The following THADA variants were observed in gnomAD, a reference collection of about 807,000 sequenced individuals.
The protein encoded by THADA is tRNA (32-2'-O)-methyltransferase regulator THADA.
A neutral mutation model predicts 219.8 loss-of-function variants in THADA; 213 were observed. The ratio of observed to expected loss-of-function variants is 0.97; its 90% CI spans 0.87 to 1.09. The LOEUF (loss-of-function observed/expected upper bound fraction) is 1.09. Among genes scored for constraint, THADA ranks in the 50% least tolerant of loss-of-function variants. The probability of loss-of-function intolerance (pLI) is 0.00; values close to 1 mark genes in which losing one functional copy is unlikely to be tolerated. For missense variants in THADA, 2,956 were observed against 2,311.3 expected (o/e 1.28, Z -5.72); for synonymous variants, 1,018 against 828.9 (o/e 1.23, Z -3.92).
chr2:43,530,075 T>C (rs1693670282), intron 21 of THADA, among the ~76,000 whole-genome samples: 2 of 152,060 alleles, frequency 1.3e-5, no homozygotes, highest in Admixed American at 6.6e-5. Context: ...AAAGATATAA[T>C]AAGTGATACA....
At position 43,556,327 on chromosome 2, in the gene THADA, G is replaced by A. The variant is rs1035894583; in HGVS notation, c.2674+18C>T. On this transcript the variant is annotated intron_variant, in intron 17 of 37. Coordinates refer to ENST00000405975, the MANE Select transcript of THADA (RefSeq NM_022065.5). ...GACTAAGCTATTCGTTTTGATAAGA[G>A]CAAACATCAATACAAACCCATTAAT... The A allele has an allele frequency of 1.6e-5, 26 of 1,612,184 alleles. No homozygotes were observed. The highest frequency in any genetic ancestry group is 3.5e-4 in the Middle Eastern group (2 of 5,708).
At chr2:43,443,772 T>A (rs527473546) in intron 26 of THADA, among the ~76,000 whole-genome samples, 2 of 152,312 alleles carry the variant, frequency 1.3e-5, no homozygotes, top group South Asian at 4.1e-4. Context: ...GGTGAGTTAT[T>A]CCCTCTCCCA....
intron 22 of THADA, among the ~76,000 whole-genome samples, chr2:43,514,064 A>G (rs1442160500): frequency 1.3e-5 from 2 of 150,702 alleles, no homozygotes. Context: ...TGTCCCTTAA[A>G]AAAAAAAAAA....
intron 26 of THADA, 70 bp from the exon 27 acceptor site, chr2:43,430,372 A>T (rs966347291): frequency 9.7e-5 from 78 of 808,216 alleles, no homozygotes; most frequent in Admixed American, 3.3e-4. Context: ...CCTTTTTTTT[A>T]AAAAAAGGAA....
intron 36 of THADA, among the ~76,000 whole-genome samples, chr2:43,234,211 T>G (rs1033853060): frequency 2.0e-5 from 3 of 152,230 alleles, no homozygotes; most frequent in Non-Finnish European, 4.4e-5. Flanking sequence ...AGTTTCATGG[T>G]GCATGCAAAG....
intron 28 of THADA, among the ~76,000 whole-genome samples, chr2:43,411,952 G>A (rs1304210807): frequency 6.6e-6 from 1 of 152,278 alleles, no homozygotes; most frequent in East Asian, 1.9e-4. Flanking sequence ...AAACATGTCA[G>A]TAAAGAATAC....
chr2:43,441,982 T>TA (rs1680896673), intron 26 of THADA, among the ~76,000 whole-genome samples: 1 of 152,210 alleles, frequency 6.6e-6, no homozygotes, highest in South Asian at 2.1e-4. Context: ...TCTTGGAGCT[T>TA]AAAACCTGGT....
At chr2:43,530,465 G>A (rs1025530355) in intron 21 of THADA, among the ~76,000 whole-genome samples, 5 of 152,048 alleles carry the variant, frequency 3.3e-5, no homozygotes, top group East Asian at 1.9e-4. Context: ...ACAAAATAAG[G>A]ACTAGAAGAA....
At chr2:43,268,399 C>T (rs1011848279) in intron 36 of THADA, among the ~76,000 whole-genome samples, 1 of 152,172 alleles carries the variant, frequency 6.6e-6, no homozygotes, top group African/African-American at 2.4e-5. Context: ...ACACCCTGCC[C>T]CACGTGTGCA....
chr2:43,518,542 G>C (rs923724733), intron 22 of THADA, among the ~76,000 whole-genome samples: 1 of 152,128 alleles, frequency 6.6e-6, no homozygotes, highest in African/African-American at 2.4e-5. Context: ...ACAAAACCAA[G>C]TACAGGGTTC....
chr2:43,344,070 A>C, intron 30 of THADA, 52 bp downstream of exon 30: 2 of 1,326,050 alleles, frequency 1.5e-6, no homozygotes, highest in Non-Finnish European at 2.1e-6. Context: ...GCAATTCTCA[A>C]ATGTATTCCT....
chr2:43,544,487 T>C (rs1695755162), intron 20 of THADA, among the ~76,000 whole-genome samples: 1 of 152,218 alleles, frequency 6.6e-6, no homozygotes, highest in African/African-American at 2.4e-5. Flanking sequence ...TTTCATGATA[T>C]TGATTCTTCC....
At chr2:43,284,005 C>G (rs1673682967) in intron 35 of THADA, among the ~76,000 whole-genome samples, 1 of 152,054 alleles carries the variant, frequency 6.6e-6, no homozygotes, top group African/African-American at 2.4e-5. Flanking sequence ...ATGGTGAAAC[C>G]CTGTCTCTAC....
chr2:43,498,116 A>G (rs2105058580), intron 25 of THADA, among the ~76,000 whole-genome samples: 1 of 152,314 alleles, frequency 6.6e-6, no homozygotes, highest in Non-Finnish European at 1.5e-5. Flanking sequence ...ATACTACATG[A>G]AAGAAGCCAA....
At chr2:43,392,015 T>A (rs1673440795) in intron 29 of THADA, 1 of 152,224 alleles carries the variant, frequency 6.6e-6, no homozygotes, top group Non-Finnish European at 1.5e-5. Context: ...ACTTACAGCA[T>A]CAGCATAGTT....
chr2:43,351,402 C>G (rs1325176585), intron 29 of THADA, among the ~76,000 whole-genome samples: 1 of 152,148 alleles, frequency 6.6e-6, no homozygotes, highest in Non-Finnish European at 1.5e-5. Flanking sequence ...TGTCTCCCCA[C>G]CTTCTCCAAC....
intron 14 of THADA, among the ~76,000 whole-genome samples, chr2:43,568,987 G>A (rs1698994827): frequency 6.6e-6 from 1 of 151,796 alleles, no homozygotes; most frequent in African/African-American, 2.4e-5. Context: ...TAATTTTTTT[G>A]AAGCAGGGTC....
intron 4 of THADA, among the ~76,000 whole-genome samples, chr2:43,587,603 T>A (rs778301152): frequency 6.6e-6 from 1 of 152,182 alleles, no homozygotes; most frequent in African/African-American, 2.4e-5. Flanking sequence ...AATTACCTTA[T>A]CATGTCTGAG....
intron 24 of THADA, among the ~76,000 whole-genome samples, chr2:43,504,741 A>G (rs1689438873): frequency 6.6e-6 from 1 of 152,160 alleles, no homozygotes; most frequent in Non-Finnish European, 1.5e-5. Context: ...CTGATTTGCC[A>G]GGCATGGCGG....
Sources: gnomAD v4.1 joint callset for allele counts (sites outside exome capture counted in the v4.1 genomes callset) on GRCh38, gnomAD v4.1.1 for gene constraint, MANE v1.5 for transcripts, NCBI Gene and HGNC (gene_info 2026-07-23, HGNC 2026-07-21) for gene names.